DNAAF5: variants seen among roughly 807,000 people sequenced by gnomAD.
DNAAF5 encodes dynein axonemal assembly factor 5.
In DNAAF5, 64 loss-of-function variants were observed where a neutral mutation model predicts 75.8. That is an observed-to-expected ratio of 0.84 (90% CI 0.69 to 1.04). The LOEUF is 1.04. DNAAF5 is among the 50% of genes least tolerant of loss of function. The pLI is 0.00. For missense variants in DNAAF5, 1,269 were observed against 1,178.5 expected (o/e 1.08, Z -1.12); for synonymous variants, 657 against 557.2 (o/e 1.18, Z -2.52).
At chr7:768,238 G>A (rs1488019510) in intron 8 of DNAAF5, among the ~76,000 whole-genome samples, 5 of 150,130 alleles carry the variant, frequency 3.3e-5, no homozygotes, top group Admixed American at 2.0e-4. Context: ...TGATCAGGGC[G>A]GAAGTGTCCG....
Position 741,434 on chromosome 7 carries a change from C to T in DNAAF5, c.993C>T (p.Ala331=). The T allele has an allele frequency of 6.5e-7, 1 of 1,548,138 alleles. No homozygotes were observed. Among genetic ancestry groups the T allele is most frequent in the Non-Finnish European group, 8.8e-7 (1 of 1,140,290 alleles). The change falls in exon 4 of 13, where the codon GCC becomes GCT. Residue 331 remains alanine, a synonymous_variant. Coordinates refer to ENST00000297440, the MANE Select transcript of DNAAF5 (RefSeq NM_017802.4). ...EEDLKDKLDF[A]PPTPPHYPPH... ...ACCTGAAGGACAAGCTGGACTTTGCCCCTCCCACCCCACCCCATTACCCTC... is the reference window on the plus strand; with the variant it reads ...ACCTGAAGGACAAGCTGGACTTTGCTCCTCCCACCCCACCCCATTACCCTC...
At chr7:769,837 C>T (rs975762570) in intron 8 of DNAAF5, among the ~76,000 whole-genome samples, 1 of 152,182 alleles carries the variant, frequency 6.6e-6, no homozygotes, top group Non-Finnish European at 1.5e-5. Context: ...TGGGATTTTT[C>T]TCCATGTTGG....
At chr7:729,591 T>C in intron 1 of DNAAF5, 72 bp from the exon 2 acceptor site, 1 of 1,479,532 alleles carries the variant, frequency 6.8e-7, no homozygotes, top group Non-Finnish European at 9.2e-7. Flanking sequence ...GCAGCCGTCC[T>C]CTGGAAGCCC....
At chr7:728,646 G>A (rs1405683439) in intron 1 of DNAAF5, among the ~76,000 whole-genome samples, 1 of 152,214 alleles carries the variant, frequency 6.6e-6, no homozygotes, top group Non-Finnish European at 1.5e-5. Context: ...TACCCAGTCT[G>A]TACATCAGCC....
In DNAAF5 at chr7:779,964, C is replaced by A; in HGVS notation, c.2251C>A (p.Arg751Ser). 1.2e-6 allele frequency: 2 copies of A among 1,614,022 alleles called. No homozygotes were observed. The highest frequency in any genetic ancestry group is 1.7e-6 in the Non-Finnish European group (2 of 1,179,934). Residue 751 changes from arginine to serine, a missense_variant, in exon 12 of 13, where the codon CGC becomes AGC. By Grantham distance (110) the Arg-to-Ser change is moderately radical. Coordinates refer to ENST00000297440, the MANE Select transcript of DNAAF5 (RefSeq NM_017802.4). ...LIRIYPELLK[R>S]LDDVSNDVRM... is the part of the protein sequence containing the mutation. ...CTCCCTCCTTCCAGAACTCTTAAAA[C>A]GCCTAGATGACGTGTCCAACGATGT...
At chr7:728,335 CGTCCCAGTGAT>C (rs1176840407) in intron 1 of DNAAF5, among the ~76,000 whole-genome samples, 2 of 152,174 alleles carry the variant, frequency 1.3e-5, no homozygotes, top group East Asian at 1.9e-4. Context: ...CAGCTCAGGC[CGTCCCAGTGAT>C]GTCCCAGTGA....
At chr7:743,635 G>T (rs1459471579) in intron 4 of DNAAF5, among the ~76,000 whole-genome samples, 1 of 146,954 alleles carries the variant, frequency 6.8e-6, no homozygotes, top group Non-Finnish European at 1.5e-5. Context: ...CAGTGAGAAC[G>T]CTCGATCTTT....
Position 740,901 on chromosome 7 carries a change from C to G in DNAAF5, c.863C>G (p.Pro288Arg), listed in dbSNP as rs1382447184. Residue 288 changes from proline (P) to arginine (R), a missense_variant, in exon 3 of 13, where the codon CCT (proline) becomes CGT (arginine). Transcript: ENST00000297440. ...DRYSFFHKLIPLLLSSLNDEV... is the reference protein window; with the variant it reads ...DRYSFFHKLIRLLLSSLNDEV... ...TACTCCTTCTTCCACAAGCTCATCC[C>G]TCTGCTGCTCAGTAGCCTCAACGAC... 6.2e-7 allele frequency: 1 copy of G among 1,613,880 alleles called. No individual in the cohort carries two copies. Among genetic ancestry groups the G allele is most frequent in the Non-Finnish European group, 8.5e-7 (1 of 1,180,050 alleles).
chr7:742,813 ACAT>A, intron 4 of DNAAF5, among the ~76,000 whole-genome samples: 1 of 129,506 alleles, frequency 7.7e-6, no homozygotes, highest in Non-Finnish European at 1.7e-5. Context: ...AGCTCAAATC[ACAT>A]GCCCCGCTCA....
intron 2 of DNAAF5, among the ~76,000 whole-genome samples, chr7:739,618 G>A (rs942845988): frequency 1.2e-4 from 19 of 152,312 alleles, no homozygotes; most frequent in African/African-American, 4.1e-4. Context: ...TGTGCGCACC[G>A]CACGGGCAGC....
rs987888770 is a variant in DNAAF5 at position 784,389 on chromosome 7, A to G, written c.2432-1128A>G. ...CTGCCTGCCGGGTTCCGCCACCCTC[A>G]GTGGCTCAGTGGCCATCTGTCCTCA... On this transcript the variant is annotated intron_variant, in intron 12 of 12. Transcript: ENST00000297440. 3.9e-5 allele frequency among the ~76,000 whole-genome samples: 6 copies of G among 152,106 alleles called. No homozygotes were observed. In the East Asian group the frequency reaches 7.7e-4, roughly 20 times the overall value.
Position 726,752 on chromosome 7 carries a change from C to T in DNAAF5, c.32C>T (p.Ala11Val). The change falls in exon 1 of 13, where the codon GCG (alanine) becomes GTG (valine). Residue 11 changes from alanine to valine, a missense_variant. Ala to Val is a moderately conservative substitution (Grantham distance 64). Transcript: ENST00000297440. ...GCGCTGGGGGTGGCGGAGGCCGTGG[C>T]GGCCCCACACCCGGCTGAGGGGGCC... MAALGVAEAV[A>V]APHPAEGAET... 1 of 1,246,100 alleles carries T rather than the reference C, an allele frequency of 8.0e-7. No homozygotes were observed. The highest frequency in any genetic ancestry group is 1.0e-6 in the Non-Finnish European group (1 of 996,410). 77.2% of individuals were successfully genotyped at this position (1,246,100 alleles called of 1,614,324 possible).
At chr7:734,039 T>C (rs1410240904) in intron 2 of DNAAF5, among the ~76,000 whole-genome samples, 1 of 152,254 alleles carries the variant, frequency 6.6e-6, no homozygotes, top group African/African-American at 2.4e-5. Flanking sequence ...AAATGTAAGA[T>C]TATATCATCT....
chr7:774,088 C>G lies in DNAAF5; in HGVS notation c.1972C>G (p.Leu658Val), dbSNP rs775005663. ...CCTCGAGACGGTGACAAAGGACATC[C>G]TGGCCCCCAATCTGCAGTGGCATGC... Reference protein sequence around the residue: ...SYLETVTKDILAPNLQWHAGR... With the variant: ...SYLETVTKDIVAPNLQWHAGR... Residue 658 changes from leucine (L) to valine (V), a missense_variant, in exon 10 of 13, where the codon CTG becomes GTG. Transcript: ENST00000297440. The G allele has an allele frequency of 9.9e-6, 16 of 1,613,966 alleles. No homozygotes were observed. Among genetic ancestry groups the G allele is most frequent in the Non-Finnish European group, 1.3e-5 (15 of 1,180,012 alleles).
chr7:739,831 C>T (rs563311324), intron 2 of DNAAF5, among the ~76,000 whole-genome samples: 1 of 152,240 alleles, frequency 6.6e-6, no homozygotes, highest in Admixed American at 6.5e-5. Flanking sequence ...GGAGCCGGGG[C>T]GGAGCAGCCC....
chr7:785,355 C>T (rs981475275), intron 12 of DNAAF5, among the ~76,000 whole-genome samples, 162 bp from the exon 13 acceptor site: 12 of 151,180 alleles, frequency 7.9e-5, no homozygotes, highest in Non-Finnish European at 1.0e-4. Context: ...TCGGATCACT[C>T]GTATCCGCAT....
intron 9 of DNAAF5, 113 bp from the exon 10 acceptor site, chr7:773,935 C>A: frequency 8.1e-7 from 1 of 1,230,258 alleles, no homozygotes. Flanking sequence ...GTTTTGGGGT[C>A]GAGTTCGTTT....
chr7:754,531 T>G lies in DNAAF5; in HGVS notation c.1025-58T>G. Reference sequence around the variant, plus strand: ...CCCTTAAATGTGATGTGCGGTAACTTGAGTTGTTGAGGTTTTGCTTGTGAA... The same window carrying G: ...CCCTTAAATGTGATGTGCGGTAACTGGAGTTGTTGAGGTTTTGCTTGTGAA... On this transcript the variant is annotated intron_variant, in intron 4 of 12. Transcript: ENST00000297440. The surrounding 1 kb of genome is among the most constrained non-coding windows in gnomAD (Gnocchi z 4.8). The G allele has an allele frequency of 3.9e-5, 55 of 1,416,828 alleles. No homozygotes were observed. Among genetic ancestry groups the G allele is most frequent in the Non-Finnish European group, 4.9e-5 (49 of 1,004,628 alleles). The allele number at this position is 1,416,828 out of a possible 1,614,324, so 87.8% of individuals were successfully genotyped here.
At position 775,092 on chromosome 7, in the gene DNAAF5, T is replaced by G; in HGVS notation, c.2169T>G (p.Arg723=). The G allele has an allele frequency of 6.2e-7, 1 of 1,614,058 alleles. No homozygotes were observed. The highest frequency in any genetic ancestry group is 8.5e-7 in the Non-Finnish European group (1 of 1,179,998). ...AGATGACGCGACTGATCTCATGCCGTATTATCAACACGTTCTTAAAAACCT... is the reference window on the plus strand; with the variant it reads ...AGATGACGCGACTGATCTCATGCCGGATTATCAACACGTTCTTAAAAACCT... The part of the protein sequence containing the change: ...DSKMTRLISC[R]IINTFLKTSG... The change falls in exon 11 of 13, where the codon CGT becomes CGG. Residue 723 remains arginine (R), a synonymous_variant. Transcript: ENST00000297440.
Sources: allele counts gnomAD v4.1 joint callset (sites outside exome capture counted in the v4.1 genomes callset), GRCh38; gene constraint gnomAD v4.1.1; non-coding constraint Gnocchi (gnomAD v3.1); transcripts MANE v1.5; gene names NCBI Gene and HGNC (gene_info 2026-07-23, HGNC 2026-07-21).